The following LRRTM4 variants were observed in gnomAD, a reference collection of about 807,000 sequenced individuals.
LRRTM4 encodes the protein leucine-rich repeat transmembrane neuronal protein 4.
Under a neutral mutation model 47.6 loss-of-function variants are expected in LRRTM4, and 25 were observed. The observed-to-expected ratio is 0.53, with a 90% CI of 0.38 to 0.73. The LOEUF is 0.73. Among genes scored for constraint, LRRTM4 ranks in the 30% least tolerant of loss-of-function variants. The pLI is 0.00. For missense variants in LRRTM4, 638 were observed against 713.4 expected (o/e 0.89, Z 1.20); for synonymous variants, 311 against 269.5 (o/e 1.15, Z -1.51).
intron 3 of LRRTM4, among the ~76,000 whole-genome samples, chr2:77,450,656 A>G (rs1001904682): frequency 6.6e-6 from 1 of 152,088 alleles, no homozygotes; most frequent in African/African-American, 2.4e-5. Context: ...TTGATTCCTG[A>G]TCTGCCAAAA....
At chr2:76,936,609 A>C (rs542888542) in intron 3 of LRRTM4, among the ~76,000 whole-genome samples, 1 of 151,204 alleles carries the variant, frequency 6.6e-6, no homozygotes, top group Non-Finnish European at 1.5e-5. Flanking sequence ...AAAGAAAGAA[A>C]AAGAAAAAGC....
At chr2:76,950,549 T>A (rs1279136041) in intron 3 of LRRTM4, among the ~76,000 whole-genome samples, 1 of 151,954 alleles carries the variant, frequency 6.6e-6, no homozygotes, top group African/African-American at 2.4e-5. Context: ...ATGTGTCCTC[T>A]GGTTAATCAA....
At chr2:77,388,902 T>C (rs2103809839) in intron 3 of LRRTM4, among the ~76,000 whole-genome samples, 1 of 152,214 alleles carries the variant, frequency 6.6e-6, no homozygotes, top group South Asian at 2.1e-4. Flanking sequence ...AATGCAAGTA[T>C]TCTGTAAACA....
At chr2:77,364,921 T>C (rs1672383951) in intron 3 of LRRTM4, among the ~76,000 whole-genome samples, 1 of 151,952 alleles carries the variant, frequency 6.6e-6, no homozygotes, top group Non-Finnish European at 1.5e-5. Flanking sequence ...ATCAGATAAA[T>C]AACGTTTATT....
At chr2:77,058,809 G>A (rs565409606) in intron 3 of LRRTM4, among the ~76,000 whole-genome samples, 21 of 152,064 alleles carry the variant, frequency 1.4e-4, no homozygotes, top group African/African-American at 2.9e-4. Context: ...TTATTTAGAC[G>A]ATTGTTTTAA....
chr2:76,748,254 A>G lies in LRRTM4; in HGVS notation c.*441T>C, dbSNP rs1370636982. 2 of 156,022 alleles carry G rather than the reference A, an allele frequency of 1.3e-5. No individual in the cohort carries two copies. Among genetic ancestry groups the G allele is most frequent in the Admixed American group, 6.4e-5 (1 of 15,522 alleles). The allele number at this position is 156,022 out of a possible 1,614,324, so 9.7% of individuals were successfully genotyped here. On this transcript the variant is annotated 3_prime_UTR_variant, in exon 4 of 4. Transcript: ENST00000409884. ...GAAAGCAATTTAAATAAAATCTGTGAGAATTACACACACCTAAAGAGGAAA... is the reference window on the plus strand; with the variant it reads ...GAAAGCAATTTAAATAAAATCTGTGGGAATTACACACACCTAAAGAGGAAA...
At chr2:77,051,863 T>G (rs898731127) in intron 3 of LRRTM4, among the ~76,000 whole-genome samples, 3 of 152,174 alleles carry the variant, frequency 2.0e-5, no homozygotes, top group Non-Finnish European at 4.4e-5. Context: ...TTCATGGCAG[T>G]GGAAGCATCT....
chr2:76,803,195 T>TATATCATCAAGG (rs1473551159), intron 3 of LRRTM4, among the ~76,000 whole-genome samples: 1 of 152,100 alleles, frequency 6.6e-6, no homozygotes, highest in Admixed American at 6.6e-5. Context: ...GCAAACCACT[T>TATATCATCAAGG]ATATCATCAA....
chr2:77,398,804 T>C (rs1264013240), intron 3 of LRRTM4, among the ~76,000 whole-genome samples: 1 of 151,800 alleles, frequency 6.6e-6, no homozygotes, highest in Non-Finnish European at 1.5e-5. Context: ...AATGTGTGTT[T>C]GCAGTTCTGA....
chr2:77,085,739 T>C (rs1680689435), intron 3 of LRRTM4, among the ~76,000 whole-genome samples: 1 of 152,216 alleles, frequency 6.6e-6, no homozygotes, highest in South Asian at 2.1e-4. Flanking sequence ...CTATGTCTCT[T>C]TTCAGTATTG....
intron 3 of LRRTM4, among the ~76,000 whole-genome samples, chr2:76,940,799 CCTT>C (rs1675113084): frequency 6.6e-6 from 1 of 152,214 alleles, no homozygotes; most frequent in African/African-American, 2.4e-5. Flanking sequence ...ACCTGAACTC[CCTT>C]CTTAAGCCCA....
intron 3 of LRRTM4, among the ~76,000 whole-genome samples, chr2:77,083,796 T>G (rs1371358783): frequency 0.039 from 3,423 of 87,426 alleles, 148 homozygotes; most frequent in Non-Finnish European, 0.051. Context: ...TTTTTTTTTT[T>G]TTTTTTTTTT....
chr2:77,140,227 C>A (rs1672081421), intron 3 of LRRTM4, among the ~76,000 whole-genome samples: 1 of 152,144 alleles, frequency 6.6e-6, no homozygotes, highest in South Asian at 2.1e-4. Flanking sequence ...TCAAACTATA[C>A]TAAAATGCTA....
At chr2:76,928,441 C>T (rs1487093489) in intron 3 of LRRTM4, among the ~76,000 whole-genome samples, 2 of 152,104 alleles carry the variant, frequency 1.3e-5, no homozygotes, top group East Asian at 1.9e-4. Context: ...AATTCTGCAG[C>T]GTGCCTATGG....
intron 3 of LRRTM4, among the ~76,000 whole-genome samples, chr2:76,863,215 G>A (rs1672370009): frequency 6.6e-6 from 1 of 152,142 alleles, no homozygotes; most frequent in Non-Finnish European, 1.5e-5. Flanking sequence ...ACATGCATAA[G>A]ATAATTCAGT....
At chr2:77,188,066 T>A (rs999620243) in intron 3 of LRRTM4, among the ~76,000 whole-genome samples, 6 of 152,300 alleles carry the variant, frequency 3.9e-5, no homozygotes, top group African/African-American at 1.4e-4. Flanking sequence ...ATTAGTGTGA[T>A]GACTTTGAAT....
intron 3 of LRRTM4, among the ~76,000 whole-genome samples, chr2:77,160,529 C>T (rs796798985): frequency 3.4e-4 from 52 of 152,154 alleles, no homozygotes; most frequent in African/African-American, 1.0e-3. Context: ...AAAGGCAGTC[C>T]TTTACTGACA....
chr2:77,267,384 T>A (rs561489030), intron 3 of LRRTM4, among the ~76,000 whole-genome samples: 1 of 152,274 alleles, frequency 6.6e-6, no homozygotes, highest in East Asian at 1.9e-4. Flanking sequence ...TAGGTCTTGG[T>A]CTTTGCTTCT....
intron 3 of LRRTM4, among the ~76,000 whole-genome samples, chr2:77,232,209 T>C (rs976789663): frequency 6.6e-6 from 1 of 152,204 alleles, no homozygotes; most frequent in Non-Finnish European, 1.5e-5. Flanking sequence ...GTAAATATCA[T>C]TGTCTGAAAG....
Sources: allele counts gnomAD v4.1 joint callset (sites outside exome capture counted in the v4.1 genomes callset), GRCh38; gene constraint gnomAD v4.1.1; transcripts MANE v1.5; gene names NCBI Gene and HGNC (gene_info 2026-07-23, HGNC 2026-07-21).